The following PCDH11X variants were observed in gnomAD, a reference collection of about 807,000 sequenced individuals.
The protein encoded by PCDH11X is protocadherin 11 X-linked, also known as protocadherin-11 X-linked.
Under a neutral mutation model 53.3 loss-of-function variants are expected in PCDH11X, and 18 were observed. That is an observed-to-expected ratio of 0.34 (90% CI 0.23 to 0.50). The LOEUF is 0.50. Among genes scored for constraint, PCDH11X ranks in the 20% least tolerant of loss-of-function variants. PCDH11X has a pLI of 0.98. For synonymous variants in PCDH11X, 279 were observed against 393.3 expected (o/e 0.71, Z 3.44); for missense variants, 570 against 1,032.4 (o/e 0.55, Z 6.14).
chrX:92,340,642 G>A (rs192439867), intron 8 of PCDH11X, among the ~76,000 whole-genome samples: 3 of 112,089 alleles, frequency 2.7e-5, no homozygotes, highest in African/African-American at 9.7e-5. Flanking sequence ...CAACTGGGAT[G>A]TGAGGAGTCG....
intron 6 of PCDH11X, among the ~76,000 whole-genome samples, chrX:92,108,001 A>G (rs2064423130): frequency 8.9e-6 from 1 of 112,539 alleles, no homozygotes. Flanking sequence ...CTGATAAAGA[A>G]AAAATATAGT....
chrX:92,166,419 G>T (rs2065733316), intron 6 of PCDH11X, among the ~76,000 whole-genome samples: 1 of 108,606 alleles, frequency 9.2e-6, no homozygotes, highest in Non-Finnish European at 1.9e-5. Context: ...TATTTAAAAT[G>T]TTAGTTTTCC....
At chrX:92,267,391 G>A (rs12556942) in intron 8 of PCDH11X, among the ~76,000 whole-genome samples, 7,868 of 111,966 alleles carry the variant, frequency 0.07, 481 homozygotes, top group East Asian at 0.28. Flanking sequence ...TTAAAAAGCA[G>A]ATTCTTTTAG....
Position 92,618,938 on chromosome X carries a change from T to A in PCDH11X, c.4042T>A (p.Ter1348LysextTer2). ...DSPIMEEHPL* is the reference protein window; with the variant it reads ...DSPIMEEHPLK The stretch of plus-strand genomic sequence containing the variant: ...CCCCATTATGGAAGAACATCCCTTG[T>A]AAAGCTAAAATAGTTACTTCAAATT... The change falls in exon 11 of 11, where the codon TAA (stop) becomes AAA (lysine). Residue 1348 changes from the stop codon to lysine, a stop_lost. Transcript: ENST00000682573. The A allele has an allele frequency of 8.3e-7, 1 of 1,211,718 alleles. No homozygotes were observed. The highest frequency in any genetic ancestry group is 1.1e-6 in the Non-Finnish European group (1 of 895,344).
chrX:91,799,233 CT>C (rs761409885), intron 1 of PCDH11X, among the ~76,000 whole-genome samples: 6 of 110,347 alleles, frequency 5.4e-5, no homozygotes, highest in Admixed American at 2.9e-4. Flanking sequence ...AAACACAAAT[CT>C]TTTTTTTCAC....
chrX:92,302,802 A>T (rs1474255859), intron 8 of PCDH11X, among the ~76,000 whole-genome samples: 1 of 110,732 alleles, frequency 9.0e-6, no homozygotes, highest in Non-Finnish European at 1.9e-5. Flanking sequence ...CAGATATTAA[A>T]TGATTCAAGA....
intron 9 of PCDH11X, among the ~76,000 whole-genome samples, chrX:92,452,473 A>ATG (rs2072810677): frequency 1.9e-5 from 1 of 52,417 alleles, no homozygotes; most frequent in African/African-American, 1.1e-4. Flanking sequence ...GTATATATAT[A>ATG]TATATATATA....
At chrX:92,383,058 A>G (rs1376037171) in intron 8 of PCDH11X, among the ~76,000 whole-genome samples, 1 of 109,367 alleles carries the variant, frequency 9.1e-6, no homozygotes, top group Non-Finnish European at 1.9e-5. Context: ...AAAAGTACCT[A>G]AATTTTAAAT....
At chrX:92,361,971 CCACATTGTAG>C (rs1488268989) in intron 8 of PCDH11X, among the ~76,000 whole-genome samples, 1 of 111,107 alleles carries the variant, frequency 9.0e-6, no homozygotes, top group African/African-American at 3.3e-5. Flanking sequence ...CAAGGTACAC[CCACATTGTAG>C]CATGTGTCAA....
intron 1 of PCDH11X, among the ~76,000 whole-genome samples, chrX:91,780,792 C>A (rs192600212): frequency 0.048 from 5,439 of 112,713 alleles, 345 homozygotes; most frequent in African/African-American, 0.17. Context: ...GCAGTCCGCC[C>A]GGGTTGCGGC....
chrX:92,597,838 A>T (rs986369585), intron 10 of PCDH11X, among the ~76,000 whole-genome samples: 5 of 111,653 alleles, frequency 4.5e-5, no homozygotes, highest in African/African-American at 1.3e-4. Flanking sequence ...CACATAGACC[A>T]AAGGAACAGA....
At chrX:92,246,966 T>C (rs983794290) in intron 7 of PCDH11X, among the ~76,000 whole-genome samples, 1 of 111,523 alleles carries the variant, frequency 9.0e-6, no homozygotes, top group Non-Finnish European at 1.9e-5. Flanking sequence ...TTTTACAGAT[T>C]AATAATTTGA....
At chrX:91,790,307 CA>C (rs1296276743) in intron 1 of PCDH11X, among the ~76,000 whole-genome samples, 1 of 111,833 alleles carries the variant, frequency 8.9e-6, no homozygotes, top group Non-Finnish European at 1.9e-5. Flanking sequence ...TATACCATTT[CA>C]AAAATGAAAA....
intron 9 of PCDH11X, among the ~76,000 whole-genome samples, chrX:92,452,406 G>T (rs1482979627): frequency 1.2e-5 from 1 of 85,461 alleles, no homozygotes; most frequent in Admixed American, 1.4e-4. Context: ...CTGCAAAGCT[G>T]CTAAAAACAG....
chrX:92,217,709 G>C (rs1203141899), intron 7 of PCDH11X, among the ~76,000 whole-genome samples: 1 of 106,363 alleles, frequency 9.4e-6, no homozygotes, highest in Non-Finnish European at 1.9e-5. Context: ...GGACCTAATA[G>C]ACATCTACAG....
intron 8 of PCDH11X, among the ~76,000 whole-genome samples, chrX:92,353,593 C>T (rs939999165): frequency 9.0e-6 from 1 of 110,701 alleles, no homozygotes; most frequent in Non-Finnish European, 1.9e-5. Context: ...GTAGGTTCGA[C>T]TAATGCATGA....
chrX:92,217,382 A>C (rs1290635590), intron 7 of PCDH11X, among the ~76,000 whole-genome samples: 1 of 103,568 alleles, frequency 9.7e-6, no homozygotes, highest in African/African-American at 3.5e-5. Context: ...TGGAAAACAA[A>C]AAAAGGCAGG....
At chrX:92,601,939 T>C (rs182379035) in intron 10 of PCDH11X, among the ~76,000 whole-genome samples, 96 of 112,031 alleles carry the variant, frequency 8.6e-4, no homozygotes, top group African/African-American at 2.8e-3. Context: ...AGCTCTATTA[T>C]AGGCAACAGT....
At chrX:92,346,305 C>G (rs1226281828) in intron 8 of PCDH11X, among the ~76,000 whole-genome samples, 1 of 111,034 alleles carries the variant, frequency 9.0e-6, no homozygotes, top group East Asian at 2.8e-4. Flanking sequence ...GTCAGTGAAC[C>G]ATTCAGATGG....
Sources: allele counts gnomAD v4.1 joint callset (sites outside exome capture counted in the v4.1 genomes callset), GRCh38; gene constraint gnomAD v4.1.1; transcripts MANE v1.5; gene names NCBI Gene and HGNC (gene_info 2026-07-23, HGNC 2026-07-21).